SERAC1: variants seen among roughly 807,000 people sequenced by gnomAD.
SERAC1 encodes serine active site containing 1.
A neutral mutation model predicts 85.7 loss-of-function variants in SERAC1; 36 were observed. That is an observed-to-expected ratio of 0.42 (90% CI 0.32 to 0.55). The LOEUF (loss-of-function observed/expected upper bound fraction) is 0.55. SERAC1 is among the 20% of genes least tolerant of loss of function. SERAC1 has a pLI of 0.11. For missense variants in SERAC1, 629 were observed against 796.2 expected, an observed-to-expected ratio of 0.79 and a Z score of 2.53; for synonymous variants, 242 against 265.3, an observed-to-expected ratio of 0.91 and a Z score of 0.85.
chr6:158,142,356 G>A (rs1281400613), intron 8 of SERAC1, among the ~76,000 whole-genome samples: 1 of 151,834 alleles, frequency 6.6e-6, no homozygotes, highest in African/African-American at 2.4e-5. Context: ...AAGAGACGGG[G>A]GTCGCACTGT....
intron 8 of SERAC1, among the ~76,000 whole-genome samples, chr6:158,131,985 C>T (rs1004210771): frequency 2.6e-5 from 4 of 150,950 alleles, no homozygotes; most frequent in Non-Finnish European, 5.9e-5. Flanking sequence ...GTGTATGTAT[C>T]CTATGCTACT....
intron 10 of SERAC1, among the ~76,000 whole-genome samples, chr6:158,122,562 A>T (rs1302053541): frequency 6.6e-6 from 1 of 152,146 alleles, no homozygotes; most frequent in Non-Finnish European, 1.5e-5. Context: ...CAGGCAGATC[A>T]CTTGAGGTCA....
intron 15 of SERAC1, 101 bp downstream of exon 15, chr6:158,114,688 T>TTATAAAATGAGATACTACATTCAAGGAA: frequency 7.0e-7 from 1 of 1,434,954 alleles, no homozygotes; most frequent in Non-Finnish European, 9.5e-7. Flanking sequence ...TATATACAAA[T>TTATAAAATGAGATACTACATTCAAGGAA]TATAAAATGA....
chr6:158,165,744 CCT>C, intron 1 of SERAC1, among the ~76,000 whole-genome samples: 1 of 152,268 alleles, frequency 6.6e-6, no homozygotes. Context: ...CTTGTTTTCC[CCT>C]TACTCTACAT....
intron 12 of SERAC1, among the ~76,000 whole-genome samples, chr6:158,118,668 T>C (rs1784350550): frequency 6.6e-6 from 1 of 151,996 alleles, no homozygotes; most frequent in Admixed American, 6.6e-5. Flanking sequence ...TAATTACTTC[T>C]TCAAAGACTT....
chr6:158,143,343 CTCTCTATATATATATATATA>C (rs1784973096), intron 7 of SERAC1, among the ~76,000 whole-genome samples, 159 bp from the exon 8 acceptor site: 1 of 33,524 alleles, frequency 3.0e-5, no homozygotes, highest in Non-Finnish European at 5.4e-5. Flanking sequence ...CTCTCTCTCT[CTCTCTATATATATATATATA>C]TATATATATA....
At chr6:158,111,677 G>A (rs1784147300) in intron 16 of SERAC1, 175 bp from the exon 17 acceptor site, 4 of 490,272 alleles carry the variant, frequency 8.2e-6, no homozygotes, top group Non-Finnish European at 1.4e-5. Flanking sequence ...GATGAAACAT[G>A]CAGGAAGGGA....
intron 10 of SERAC1, among the ~76,000 whole-genome samples, chr6:158,126,081 T>C (rs1240603316): frequency 6.6e-6 from 1 of 152,178 alleles, no homozygotes; most frequent in Non-Finnish European, 1.5e-5. Context: ...ACAACACACA[T>C]ATATGTGTAC....
intron 1 of SERAC1, among the ~76,000 whole-genome samples, chr6:158,164,810 A>G (rs80222697): frequency 0.012 from 1,871 of 152,258 alleles, 42 homozygotes; most frequent in African/African-American, 0.042. Flanking sequence ...CTAGTTAACT[A>G]TGGGCACTTA....
chr6:158,117,468 C>T lies in SERAC1; in HGVS notation c.1403+259G>A. The T allele has an allele frequency of 6.6e-7, 1 of 1,525,230 alleles. No homozygotes were observed. Among genetic ancestry groups the T allele is most frequent in the Non-Finnish European group, 8.8e-7 (1 of 1,130,868 alleles). 94.5% of individuals were successfully genotyped at this position (1,525,230 alleles called of 1,614,324 possible). ...GAAAAGGAGACTGCTAGACAATCCA[C>T]GATCCTTCACTATTAGAACAGTTGT... On this transcript the variant is annotated intron_variant, in intron 13 of 16. Coordinates refer to ENST00000647468, the MANE Select transcript of SERAC1 (RefSeq NM_032861.4). The surrounding 1 kb of genome is among the most constrained non-coding windows in gnomAD (Gnocchi z 4.3).
chr6:158,116,067 A>C (rs367883814), intron 14 of SERAC1, 118 bp downstream of exon 14: 2 of 728,526 alleles, frequency 2.7e-6, no homozygotes, highest in African/African-American at 3.5e-5. Context: ...TTAATTTAGC[A>C]GGGGGGGTAA....
chr6:158,144,106 T>C (rs2062223398), intron 7 of SERAC1, among the ~76,000 whole-genome samples, 193 bp downstream of exon 7: 1 of 152,114 alleles, frequency 6.6e-6, no homozygotes. Context: ...CAGAAAATAA[T>C]ATAGAAGGAA....
intron 6 of SERAC1, 32 bp from the exon 7 acceptor site, chr6:158,144,452 C>A (rs757238454): frequency 5.2e-6 from 8 of 1,536,864 alleles, no homozygotes; most frequent in Admixed American, 3.9e-5. Flanking sequence ...TTGTTAATAC[C>A]AAAACTAGCT....
At chr6:158,162,301 T>C (rs1785506507) in intron 1 of SERAC1, 1 of 152,232 alleles carries the variant, frequency 6.6e-6, no homozygotes. Flanking sequence ...CATGAGTTAA[T>C]ATATGTAAAA....
chr6:158,127,373 G>C (rs1784567851), intron 10 of SERAC1, among the ~76,000 whole-genome samples: 1 of 68,074 alleles, frequency 1.5e-5, no homozygotes, highest in Non-Finnish European at 3.1e-5. Flanking sequence ...GAGGGAGGTG[G>C]GGGGGTCAGC....
rs1230176776 is a variant in SERAC1, at chr6:158,111,320, G to A, written c.*46C>T. 1.3e-6 allele frequency: 2 copies of A among 1,521,382 alleles called. No homozygotes were observed. The highest frequency in any genetic ancestry group is 2.8e-5 in the African/African-American group (2 of 71,672). 94.2% of individuals were successfully genotyped at this position (1,521,382 alleles called of 1,614,324 possible). A position where few individuals can be genotyped will look rare whatever the true frequency, so the allele number is the denominator to read the frequency against. ...CTTAAAAGAAGAAACAGAACACCAA[G>A]TTTCTTGCACTGAATTCACATATGA... On this transcript the variant is annotated 3_prime_UTR_variant, in exon 17 of 17. Transcript: ENST00000647468.
chr6:158,149,311 C>T (rs1465573724), intron 4 of SERAC1, among the ~76,000 whole-genome samples: 1 of 152,204 alleles, frequency 6.6e-6, no homozygotes, highest in Non-Finnish European at 1.5e-5. Flanking sequence ...ATTCTTAACA[C>T]TATGCTCCAA....
At chr6:158,148,145 A>G (rs1326270047) in intron 5 of SERAC1, among the ~76,000 whole-genome samples, 3 of 152,190 alleles carry the variant, frequency 2.0e-5, no homozygotes, top group Non-Finnish European at 4.4e-5. Flanking sequence ...AATTATAGAA[A>G]GTCTTCCCAC....
At chr6:158,118,621 A>AC (rs1784348727) in intron 12 of SERAC1, among the ~76,000 whole-genome samples, 1 of 147,842 alleles carries the variant, frequency 6.8e-6, no homozygotes, top group African/African-American at 2.6e-5. Context: ...CTCATCTCAA[A>AC]AAAAAAAAAA....
Sources: allele counts gnomAD v4.1 joint callset (sites outside exome capture counted in the v4.1 genomes callset), GRCh38; gene constraint gnomAD v4.1.1; non-coding constraint Gnocchi (gnomAD v3.1); transcripts MANE v1.5; gene names NCBI Gene and HGNC (gene_info 2026-07-23, HGNC 2026-07-21).